Variants in FER observed in about 807,000 individuals in gnomAD.
The protein encoded by FER is tyrosine-protein kinase Fer.
A neutral mutation model predicts 111.0 loss-of-function variants in FER; 63 were observed. That is an observed-to-expected ratio of 0.57 (90% CI 0.46 to 0.70). FER has a LOEUF of 0.70. Among genes scored for constraint, FER ranks in the 30% least tolerant of loss-of-function variants. The pLI is 0.00. For synonymous variants in FER, 327 were observed against 313.9 expected (o/e 1.04, Z -0.44); for missense variants, 914 against 954.0 (o/e 0.96, Z 0.55).
rs115186541 is a variant in FER, at chr5:109,049,599, T to C, written c.1924+2401T>C. Among the ~76,000 whole-genome samples the C allele has an allele frequency of 4.1e-3, 630 of 152,224 alleles. 4 individuals carry two copies. Among genetic ancestry groups the C allele is most frequent in the African/African-American group, 0.014 (597 of 41,538 alleles). ...TTTTTAAAATGCTAAATTAAAACTA[T>C]TGAATAAAGAACACTCTCCAGAACA... On this transcript the variant is annotated intron_variant, in intron 16 of 19. Coordinates refer to ENST00000281092, the MANE Select transcript of FER (RefSeq NM_005246.4).
chr5:109,157,051 A>G (rs1359593376), intron 17 of FER, among the ~76,000 whole-genome samples: 2 of 152,140 alleles, frequency 1.3e-5, no homozygotes, highest in African/African-American at 4.8e-5. Flanking sequence ...CTCCTAGGCC[A>G]TAAATCACAG....
intron 10 of FER, among the ~76,000 whole-genome samples, chr5:108,945,002 G>A (rs1172010562): frequency 6.6e-6 from 1 of 152,020 alleles, no homozygotes; most frequent in Non-Finnish European, 1.5e-5. Flanking sequence ...TTAGTATTAC[G>A]CACTTAGAAA....
intron 13 of FER, among the ~76,000 whole-genome samples, chr5:108,988,885 CT>C (rs1261494892): frequency 1.3e-5 from 2 of 151,928 alleles, no homozygotes; most frequent in Non-Finnish European, 2.9e-5. Flanking sequence ...CTTAGATTGT[CT>C]ATTTGTACTC....
chr5:109,135,431 T>G (rs1752783612), intron 17 of FER, among the ~76,000 whole-genome samples: 1 of 152,222 alleles, frequency 6.6e-6, no homozygotes, highest in Non-Finnish European at 1.5e-5. Context: ...GTTTACGCTC[T>G]TAATAGTGTG....
chr5:108,768,863 C>T (rs1022862429), intron 2 of FER, among the ~76,000 whole-genome samples: 5 of 150,548 alleles, frequency 3.3e-5, no homozygotes, highest in African/African-American at 4.9e-5. Context: ...CTGGCTCTGT[C>T]GCCCAGGCTG....
intron 17 of FER, among the ~76,000 whole-genome samples, chr5:109,160,400 A>G (rs1011303069): frequency 9.9e-5 from 15 of 152,182 alleles, no homozygotes; most frequent in African/African-American, 3.6e-4. Context: ...TAGTATATCA[A>G]TAACTTTTCT....
chr5:109,084,258 T>A (rs1777308840), intron 16 of FER, among the ~76,000 whole-genome samples: 1 of 152,058 alleles, frequency 6.6e-6, no homozygotes, highest in Admixed American at 6.6e-5. Context: ...GAACTCTCTT[T>A]ACATATTCTT....
intron 2 of FER, among the ~76,000 whole-genome samples, chr5:108,771,187 G>C (rs1752860172): frequency 6.6e-6 from 1 of 152,008 alleles, no homozygotes; most frequent in Non-Finnish European, 1.5e-5. Context: ...ACCTGCCTCG[G>C]CCTCCCAAAG....
chr5:109,062,560 A>G (rs1478625564), intron 16 of FER, among the ~76,000 whole-genome samples: 1 of 151,744 alleles, frequency 6.6e-6, no homozygotes, highest in Admixed American at 6.6e-5. Context: ...AATATATATT[A>G]TGTTATATGT....
chr5:108,973,493 GT>G (rs201662357), intron 13 of FER, among the ~76,000 whole-genome samples: 4 of 150,726 alleles, frequency 2.7e-5, no homozygotes, highest in African/African-American at 4.9e-5. Context: ...ACTTCTTTTT[GT>G]TTTTTTTTGT....
chr5:109,016,868 G>A (rs1240175945), intron 13 of FER, among the ~76,000 whole-genome samples: 3 of 151,974 alleles, frequency 2.0e-5, no homozygotes, highest in Middle Eastern at 3.2e-3. Context: ...GTTAAATAAG[G>A]TTATAAGAAT....
intron 1 of FER, among the ~76,000 whole-genome samples, chr5:108,760,372 C>T (rs1288475742): frequency 6.6e-6 from 1 of 152,122 alleles, no homozygotes; most frequent in Admixed American, 6.6e-5. Flanking sequence ...TGCATTAGCC[C>T]ATAACAAGAG....
At chr5:108,757,455 A>G (rs1751244476) in intron 1 of FER, among the ~76,000 whole-genome samples, 1 of 152,234 alleles carries the variant, frequency 6.6e-6, no homozygotes, top group South Asian at 2.1e-4. Context: ...GGTGGATCTT[A>G]GCTAGAAAAC....
rs774484556 is a variant in FER at position 109,126,111 on chromosome 5, G to GA, written c.2048+25594dup. Among the ~76,000 whole-genome samples the GA allele has an allele frequency of 6.0e-4, 92 of 152,194 alleles. 1 individual carries two copies. The highest frequency in any genetic ancestry group is 1.0e-3 in the Non-Finnish European group (68 of 68,014). ...TTTTTGGATTATCTGTGGATAATCA[G>GA]AATTATGTGCTTGGAAATAATTGTA... On this transcript the variant is annotated intron_variant, in intron 17 of 19. Coordinates refer to ENST00000281092, the MANE Select transcript of FER (RefSeq NM_005246.4).
intron 13 of FER, among the ~76,000 whole-genome samples, chr5:108,989,478 C>T (rs950948277): frequency 8.6e-5 from 13 of 151,744 alleles, no homozygotes; most frequent in Non-Finnish European, 1.9e-4. Flanking sequence ...ATTATGAATC[C>T]AATGAAATAT....
intron 5 of FER, among the ~76,000 whole-genome samples, chr5:108,859,078 C>T (rs528494376): frequency 3.9e-5 from 6 of 152,052 alleles, no homozygotes; most frequent in Non-Finnish European, 8.8e-5. Context: ...TGCCAAATTT[C>T]CTTCTATAAG....
intron 17 of FER, among the ~76,000 whole-genome samples, chr5:109,149,301 GTAA>G (rs1050003216): frequency 5.9e-5 from 9 of 152,070 alleles, no homozygotes; most frequent in Admixed American, 4.6e-4. Flanking sequence ...TAGTTCACTT[GTAA>G]TAGGGATGGG....
chr5:109,163,923 C>T (rs1242338375), intron 17 of FER, among the ~76,000 whole-genome samples: 2 of 151,984 alleles, frequency 1.3e-5, no homozygotes, highest in Non-Finnish European at 2.9e-5. Flanking sequence ...GTTTATTTGT[C>T]TATTCTATAG....
At chr5:108,780,272 C>G (rs1398086821) in intron 2 of FER, among the ~76,000 whole-genome samples, 1 of 152,200 alleles carries the variant, frequency 6.6e-6, no homozygotes, top group Non-Finnish European at 1.5e-5. Flanking sequence ...ACATTTCTTG[C>G]AAGTTGGATC....
Sources: allele counts gnomAD v4.1 joint callset (sites outside exome capture counted in the v4.1 genomes callset), GRCh38; gene constraint gnomAD v4.1.1; transcripts MANE v1.5; gene names NCBI Gene and HGNC (gene_info 2026-07-23, HGNC 2026-07-21).